The following PDK1 variants were observed in gnomAD, a reference collection of about 807,000 sequenced individuals.
The protein encoded by PDK1 is pyruvate dehydrogenase kinase 1.
PDK1 carries 39 observed loss-of-function variants against 54.2 expected under a neutral mutation model. The ratio of observed to expected loss-of-function variants is 0.72; its 90% CI spans 0.56 to 0.94. PDK1 has a LOEUF of 0.94. Among genes scored for constraint, PDK1 ranks in the 40% least tolerant of loss-of-function variants. The probability of loss-of-function intolerance (pLI) is 0.00; values close to 1 mark genes in which losing one functional copy is unlikely to be tolerated. For synonymous variants in PDK1, 221 were observed against 207.1 expected (o/e 1.07, Z -0.58); for missense variants, 552 against 566.0 (o/e 0.98, Z 0.25).
chr2:172,666,065 A>T, the PDK1 span, among the ~76,000 whole-genome samples: 1 of 152,324 alleles, frequency 6.6e-6, no homozygotes, highest in South Asian at 2.1e-4. Flanking sequence ...TATAAGAAAT[A>T]TAAACTTCTT....
At chr2:172,705,905 T>C in the PDK1 span, among the ~76,000 whole-genome samples, 1 of 152,196 alleles carries the variant, frequency 6.6e-6, no homozygotes, top group African/African-American at 2.4e-5. Flanking sequence ...TATTGAGAAT[T>C]GTGAGGTTTT....
intron 8 of PDK1, among the ~76,000 whole-genome samples, chr2:172,572,058 G>A (rs369752548): frequency 6.6e-6 from 1 of 151,878 alleles, no homozygotes; most frequent in Non-Finnish European, 1.5e-5. Context: ...TCTCGAACTC[G>A]ACCTCGTGTT....
At chr2:172,699,312 ATAAT>A in the PDK1 span, among the ~76,000 whole-genome samples, 4 of 152,248 alleles carry the variant, frequency 2.6e-5, no homozygotes, top group South Asian at 8.3e-4. Flanking sequence ...TATCAAGAGA[ATAAT>A]TATCAGGAAA....
chr2:172,712,841 T>C, the PDK1 span, among the ~76,000 whole-genome samples: 12 of 152,190 alleles, frequency 7.9e-5, no homozygotes, highest in Admixed American at 7.2e-4. Flanking sequence ...ATTCAGCAGG[T>C]CCCAAGTTCT....
chr2:172,577,159 C>T (rs767927490), intron 8 of PDK1, among the ~76,000 whole-genome samples: 18 of 152,132 alleles, frequency 1.2e-4, no homozygotes, highest in Non-Finnish European at 2.2e-4. Context: ...ATTATTATCT[C>T]TTTTTTGTGT....
the PDK1 span, among the ~76,000 whole-genome samples, chr2:172,627,597 G>A: frequency 6.6e-6 from 1 of 152,108 alleles, no homozygotes; most frequent in Non-Finnish European, 1.5e-5. Flanking sequence ...GTGAGATGGA[G>A]TAAGGACCTC....
In PDK1 at chr2:172,558,812, C is replaced by G; in HGVS notation, c.301C>G (p.Leu101Val). 1 of 1,611,202 alleles carries G rather than the reference C, an allele frequency of 6.2e-7. No homozygotes were observed. Among genetic ancestry groups the G allele is most frequent in the Non-Finnish European group, 8.5e-7 (1 of 1,178,950 alleles). Residue 101 changes from leucine (L) to valine (V), a missense_variant, in exon 2 of 11, where the codon CTT becomes GTT. Coordinates refer to ENST00000282077, the MANE Select transcript of PDK1 (RefSeq NM_002610.5). ...AGAAATAAGTCTCCTTCCAGATAAT[C>G]TTCTCAGGACACCATCCGTTCAATT... ...MKEISLLPDNLLRTPSVQLVQ... is the reference protein window; with the variant it reads ...MKEISLLPDNVLRTPSVQLVQ...
the PDK1 span, among the ~76,000 whole-genome samples, chr2:172,700,722 C>G: frequency 6.6e-6 from 1 of 152,142 alleles, no homozygotes; most frequent in East Asian, 1.9e-4. Context: ...ACATTGAGCA[C>G]TGAGTGAGCG....
At chr2:172,591,122 C>T (rs1574528766) in intron 9 of PDK1, among the ~76,000 whole-genome samples, 1 of 152,112 alleles carries the variant, frequency 6.6e-6, no homozygotes, top group Admixed American at 6.5e-5. Flanking sequence ...ATTTGGGATT[C>T]CATTTGTAAG....
chr2:172,593,449 C>T (rs1690718471), intron 10 of PDK1, among the ~76,000 whole-genome samples: 1 of 152,070 alleles, frequency 6.6e-6, no homozygotes, highest in African/African-American at 2.4e-5. Context: ...GCTGTACTGA[C>T]AGTGCATCAT....
At chr2:172,634,296 C>A in the PDK1 span, among the ~76,000 whole-genome samples, 1 of 21,868 alleles carries the variant, frequency 4.6e-5, no homozygotes, top group Non-Finnish European at 1.5e-4. Flanking sequence ...TTTTGGAGAC[C>A]GAGTCTCGCT....
At chr2:172,575,391 TATTA>T (rs754129833) in intron 8 of PDK1, among the ~76,000 whole-genome samples, 1 of 152,200 alleles carries the variant, frequency 6.6e-6, no homozygotes, top group African/African-American at 2.4e-5. Context: ...GAAGGATTGG[TATTA>T]ATTCTTTCAG....
the PDK1 span, among the ~76,000 whole-genome samples, chr2:172,630,716 A>C: frequency 1.3e-5 from 2 of 149,430 alleles, no homozygotes; most frequent in African/African-American, 5.0e-5. Flanking sequence ...TGCAACCTCC[A>C]CCTCCCAGGT....
At chr2:172,570,653 C>A in intron 7 of PDK1, 73 bp from the exon 8 acceptor site, 1 of 815,446 alleles carries the variant, frequency 1.2e-6, no homozygotes, top group Non-Finnish European at 2.1e-6. Flanking sequence ...TCAAATAGTG[C>A]ATATGTACTT....
chr2:172,567,057 A>G, intron 6 of PDK1, 124 bp downstream of exon 6: 1 of 537,806 alleles, frequency 1.9e-6, no homozygotes, highest in Non-Finnish European at 3.3e-6. Context: ...AGGCTAAAGG[A>G]TAGTAATCAT....
the PDK1 span, among the ~76,000 whole-genome samples, chr2:172,680,671 T>G: frequency 2.6e-5 from 4 of 152,162 alleles, no homozygotes; most frequent in African/African-American, 7.2e-5. Context: ...CTGGCCCTAT[T>G]CTTTTTTACT....
the PDK1 span, among the ~76,000 whole-genome samples, chr2:172,671,393 A>C: frequency 1.3e-5 from 2 of 151,408 alleles, no homozygotes; most frequent in Non-Finnish European, 2.9e-5. Context: ...TCAAAGATAA[A>C]TTTTTTATTC....
intron 4 of PDK1, 80 bp from the exon 5 acceptor site, chr2:172,564,898 C>A: frequency 9.6e-7 from 1 of 1,036,586 alleles, no homozygotes; most frequent in Non-Finnish European, 1.5e-6. Flanking sequence ...CTGTTTGGTA[C>A]AATTTAAACA....
At chr2:172,676,935 A>G in the PDK1 span, among the ~76,000 whole-genome samples, 1 of 152,184 alleles carries the variant, frequency 6.6e-6, no homozygotes, top group Non-Finnish European at 1.5e-5. Flanking sequence ...AGCCACCAAT[A>G]TTGAGGCAAG....
Sources: allele counts gnomAD v4.1 joint callset (sites outside exome capture counted in the v4.1 genomes callset), GRCh38; gene constraint gnomAD v4.1.1; transcripts MANE v1.5; gene names NCBI Gene and HGNC (gene_info 2026-07-23, HGNC 2026-07-21).